The following NUSAP1 variants were observed in gnomAD, a reference collection of about 807,000 sequenced individuals.
The protein encoded by NUSAP1 is nucleolar and spindle-associated protein 1.
NUSAP1 carries 32 observed loss-of-function variants against 52.8 expected under a neutral mutation model. The ratio of observed to expected loss-of-function variants is 0.61; its 90% CI spans 0.46 to 0.81. The LOEUF (loss-of-function observed/expected upper bound fraction) is 0.81. NUSAP1 is among the 40% of genes least tolerant of loss of function. The probability of loss-of-function intolerance (pLI) is 0.00; values close to 1 mark genes in which losing one functional copy is unlikely to be tolerated. For missense variants in NUSAP1, 499 were observed against 522.3 expected, an observed-to-expected ratio of 0.96 and a Z score of 0.43; for synonymous variants, 195 against 183.1, an observed-to-expected ratio of 1.06 and a Z score of -0.52.
intron 1 of NUSAP1, among the ~76,000 whole-genome samples, chr15:41,336,114 G>A (rs2048119126): frequency 6.6e-6 from 1 of 151,082 alleles, no homozygotes; most frequent in Non-Finnish European, 1.5e-5. Context: ...ACAAAATTTA[G>A]CCAGGCGTGG....
chr15:41,364,465 G>C (rs2049306729), intron 6 of NUSAP1, among the ~76,000 whole-genome samples: 1 of 152,124 alleles, frequency 6.6e-6, no homozygotes, highest in African/African-American at 2.4e-5. Flanking sequence ...AGAATCGCTT[G>C]AACCTGGGAG....
intron 7 of NUSAP1, among the ~76,000 whole-genome samples, chr15:41,367,111 A>G (rs560403527): frequency 1.6e-4 from 25 of 152,316 alleles, no homozygotes; most frequent in African/African-American, 6.0e-4. Flanking sequence ...ATGCAGTTGC[A>G]TGGCTGCTTG....
chr15:41,347,190 A>C (rs2140590120), intron 2 of NUSAP1, among the ~76,000 whole-genome samples: 1 of 152,174 alleles, frequency 6.6e-6, no homozygotes, highest in Middle Eastern at 3.4e-3. Context: ...AAAAATACTG[A>C]TGATAGGCCT....
At chr15:41,356,817 A>G (rs1396788507) in intron 5 of NUSAP1, among the ~76,000 whole-genome samples, 3 of 152,160 alleles carry the variant, frequency 2.0e-5, no homozygotes, top group African/African-American at 7.2e-5. Context: ...TGAGTTTTTC[A>G]TAAGTCTAAA....
chr15:41,356,168 A>C (rs1461038932), intron 5 of NUSAP1, 28 bp downstream of exon 5: 1 of 1,295,152 alleles, frequency 7.7e-7, no homozygotes, highest in Admixed American at 1.8e-5. Context: ...AGCCATAATA[A>C]GTAATGGTTG....
chr15:41,359,878 C>CTG (rs2049106676), intron 6 of NUSAP1, among the ~76,000 whole-genome samples: 2 of 151,272 alleles, frequency 1.3e-5, no homozygotes, highest in Non-Finnish European at 2.9e-5. Context: ...GGTGATCAAC[C>CTG]CACCTCCCAA....
At chr15:41,334,922 TACTC>T (rs1450460707) in intron 1 of NUSAP1, among the ~76,000 whole-genome samples, 1 of 152,098 alleles carries the variant, frequency 6.6e-6, no homozygotes, top group African/African-American at 2.4e-5. Flanking sequence ...TGCTGTAAAA[TACTC>T]AAGGAAAAAG....
chr15:41,371,492 A>G (rs766838903), intron 7 of NUSAP1, 35 bp from the exon 8 acceptor site: 192 of 1,518,772 alleles, frequency 1.3e-4, no homozygotes, highest in Non-Finnish European at 1.7e-4. Context: ...CTCTTGCCAC[A>G]GTACTCATGT....
At chr15:41,358,401 C>T in intron 6 of NUSAP1, 143 bp downstream of exon 6, 1 of 556,990 alleles carries the variant, frequency 1.8e-6, no homozygotes, top group Non-Finnish European at 3.2e-6. Flanking sequence ...CTAAAACTTG[C>T]TTTCCCCTAC....
intron 10 of NUSAP1, among the ~76,000 whole-genome samples, chr15:41,378,784 G>T (rs939588221): frequency 6.6e-6 from 1 of 150,660 alleles, no homozygotes; most frequent in Non-Finnish European, 1.5e-5. Flanking sequence ...AAAGAAAAAA[G>T]AAATCAAAGT....
At chr15:41,368,010 T>C (rs2049492046) in intron 7 of NUSAP1, among the ~76,000 whole-genome samples, 1 of 152,078 alleles carries the variant, frequency 6.6e-6, no homozygotes, top group African/African-American at 2.4e-5. Flanking sequence ...ATCATTTGAG[T>C]CCAGAAGTTT....
intron 6 of NUSAP1, among the ~76,000 whole-genome samples, chr15:41,364,099 T>C (rs774218289): frequency 1.3e-5 from 2 of 152,194 alleles, no homozygotes; most frequent in African/African-American, 2.4e-5. Flanking sequence ...CCCAAAGTGC[T>C]GAGATTGCAG....
At chr15:41,343,943 C>T (rs1012671197) in intron 2 of NUSAP1, among the ~76,000 whole-genome samples, 1 of 151,580 alleles carries the variant, frequency 6.6e-6, no homozygotes, top group Non-Finnish European at 1.5e-5. Context: ...ATAGGCCAGG[C>T]GCAGTGGCTC....
At chr15:41,370,048 A>G in intron 7 of NUSAP1, among the ~76,000 whole-genome samples, 1 of 151,504 alleles carries the variant, frequency 6.6e-6, no homozygotes, top group Non-Finnish European at 1.5e-5. Context: ...CAGCCTGGGT[A>G]ACAGTGCGAG....
At chr15:41,356,196 G>A in intron 5 of NUSAP1, 56 bp downstream of exon 5, 1 of 970,598 alleles carries the variant, frequency 1.0e-6, no homozygotes, top group Non-Finnish European at 1.6e-6. Context: ...TCGGAATGAT[G>A]TTGGACTGTA....
At chr15:41,371,714 G>A in intron 8 of NUSAP1, 30 bp downstream of exon 8, 1 of 1,561,958 alleles carries the variant, frequency 6.4e-7, no homozygotes, top group Non-Finnish European at 8.6e-7. Flanking sequence ...AAAGAAATCT[G>A]TTTCATTTTT....
chr15:41,343,815 TTTAA>T (rs2048454618), intron 2 of NUSAP1, among the ~76,000 whole-genome samples: 1 of 152,014 alleles, frequency 6.6e-6, no homozygotes, highest in Admixed American at 6.6e-5. Flanking sequence ...GATTCCAGGC[TTTAA>T]TTAACTGAAA....
At chr15:41,354,080 AAAT>A (rs1567053280) in intron 4 of NUSAP1, among the ~76,000 whole-genome samples, 1 of 152,188 alleles carries the variant, frequency 6.6e-6, no homozygotes, top group East Asian at 1.9e-4. Context: ...TGAAGTTAAA[AAAT>A]AATAATAATA....
At chr15:41,363,218 G>A (rs2049249428) in intron 6 of NUSAP1, among the ~76,000 whole-genome samples, 1 of 150,912 alleles carries the variant, frequency 6.6e-6, no homozygotes, top group South Asian at 2.1e-4. Flanking sequence ...CTCAGGAGGC[G>A]GAGATTGCAG....
Sources: allele counts gnomAD v4.1 joint callset (sites outside exome capture counted in the v4.1 genomes callset), GRCh38; gene constraint gnomAD v4.1.1; transcripts MANE v1.5; gene names NCBI Gene and HGNC (gene_info 2026-07-23, HGNC 2026-07-21).